The following TIMM10 variants were observed in gnomAD, a reference collection of about 807,000 sequenced individuals.
TIMM10 encodes the protein translocase of inner mitochondrial membrane 10.
Under a neutral mutation model 9.1 loss-of-function variants are expected in TIMM10, and 13 were observed. That is an observed-to-expected ratio of 1.42 (90% CI 0.93 to 2.26). TIMM10 has a LOEUF of 2.26. Ranked by LOEUF, TIMM10 falls within the 30% of genes most tolerant of loss-of-function variation. The pLI is 0.00. For missense variants in TIMM10, 82 were observed against 113.6 expected (o/e 0.72, Z 1.26); for synonymous variants, 40 against 42.1 (o/e 0.95, Z 0.20).
rs1449435142 is a variant in TIMM10 at position 57,528,688 on chromosome 11, A to G, written c.*29T>C. On this transcript the variant is annotated 3_prime_UTR_variant, in exon 3 of 3. Transcript: ENST00000257245. ...TTATTAAAGTGGGAAGGGGTGGGGTACACCCCAGGGTGTATACTGACAGGG... is the reference window on the plus strand; with the variant it reads ...TTATTAAAGTGGGAAGGGGTGGGGTGCACCCCAGGGTGTATACTGACAGGG... The G allele has an allele frequency of 3.7e-6, 6 of 1,608,498 alleles. No homozygotes were observed. The highest frequency in any genetic ancestry group is 5.1e-6 in the Non-Finnish European group (6 of 1,176,178).
chr11:57,528,514 T>TATAC lies in TIMM10; in HGVS notation c.*199_*202dup, dbSNP rs1944770947. Reference sequence around the variant, plus strand: ...ATATATATATATATATATATATATATATACACATACATACACACACAGTCA... The same window carrying TATAC: ...ATATATATATATATATATATATATATATACATACACATACATACACACACAGTCA... On this transcript the variant is annotated 3_prime_UTR_variant, in exon 3 of 3. Coordinates refer to ENST00000257245, the MANE Select transcript of TIMM10 (RefSeq NM_012456.3). The TATAC allele has an allele frequency of 3.3e-6, 1 of 306,618 alleles. No homozygotes were observed. Among genetic ancestry groups the TATAC allele is most frequent in the South Asian group, 3.1e-5 (1 of 31,886 alleles). The allele number at this position is 306,618 out of a possible 1,614,324, so 19.0% of individuals were successfully genotyped here. A position where few individuals can be genotyped will look rare whatever the true frequency, so the allele number is the denominator to read the frequency against.
rs561243341 is a variant in TIMM10 at position 57,530,379 on chromosome 11, G to A, written c.-45-145C>T. On this transcript the variant is annotated intron_variant, in intron 1 of 2. Coordinates refer to ENST00000257245, the MANE Select transcript of TIMM10 (RefSeq NM_012456.3). Reference sequence around the variant, plus strand: ...CTTAACCACCCCATTTCACGGATGTGGAAACTGAGGCCTAGCCCAAGGTCG... The same window carrying A: ...CTTAACCACCCCATTTCACGGATGTAGAAACTGAGGCCTAGCCCAAGGTCG... The A allele has an allele frequency of 5.2e-6, 3 of 573,768 alleles. No homozygotes were observed. In the South Asian group the frequency reaches 6.1e-5, roughly 12 times the overall value. 35.5% of individuals were successfully genotyped at this position (573,768 alleles called of 1,614,324 possible). A position where few individuals can be genotyped will look rare whatever the true frequency, so the allele number is the denominator to read the frequency against.
At chr11:57,529,014 C>G in intron 2 of TIMM10, 96 bp from the exon 3 acceptor site, 1 of 1,304,056 alleles carries the variant, frequency 7.7e-7, no homozygotes, top group Non-Finnish European at 1.1e-6. Context: ...TTCACCTCCC[C>G]CAAGAAAGCA....
Position 57,530,021 on chromosome 11 carries a change from C to T in TIMM10, c.71+98G>A, listed in dbSNP as rs1374652384. ...GAGGGTAAGCATGGGCCTCAGGCTC[C>T]CCTACATTCAGGAAGGAATTTGTCA... On this transcript the variant is annotated intron_variant, in intron 2 of 2. Transcript: ENST00000257245. 8 of 1,380,876 alleles carry T rather than the reference C, an allele frequency of 5.8e-6. No individual in the cohort carries two copies. In the Admixed American group the frequency reaches 1.0e-4, roughly 18 times the overall value. The allele number at this position is 1,380,876 out of a possible 1,614,324, so 85.5% of individuals were successfully genotyped here.
Position 57,528,840 on chromosome 11 carries a change from G to T in TIMM10, c.150C>A (p.Cys50Ter), listed in dbSNP as rs142829492. 7.1e-5 allele frequency: 115 copies of T among 1,613,920 alleles called. No homozygotes were observed. The highest frequency in any genetic ancestry group is 9.2e-5 in the Non-Finnish European group (109 of 1,180,028). Residue 50 changes from cysteine (C) to a stop codon, truncating the protein, a stop_gained, in exon 3 of 3, where the codon TGC becomes TGA. Transcript: ENST00000257245. LOFTEE classifies it high-confidence loss of function. ...GGTACTTAGAGACACATCGGTCCAGGCACACAGACTCGCCCTTGGAGAGCT... is the reference window on the plus strand; with the variant it reads ...GGTACTTAGAGACACATCGGTCCAGTCACACAGACTCGCCCTTGGAGAGCT... ...EAELSKGESVCLDRCVSKYLD... is the reference protein window; with the variant it reads ...EAELSKGESV
Position 57,530,206 on chromosome 11 carries a change from G to A in TIMM10, c.-17C>T. ...AGGATCCATCTCAGCCTAGCACCGT[G>A]GAAGGGATCTCCTTCTGGCCTCCTA... On this transcript the variant is annotated 5_prime_UTR_variant, in exon 2 of 3. Coordinates refer to ENST00000257245, the MANE Select transcript of TIMM10 (RefSeq NM_012456.3). 2 of 1,613,748 alleles carry A rather than the reference G, an allele frequency of 1.2e-6. No individual in the cohort carries two copies. The highest frequency in any genetic ancestry group is 2.2e-5 in the South Asian group (2 of 91,060).
chr11:57,530,050 G>A, intron 2 of TIMM10, 69 bp downstream of exon 2: 1 of 1,562,606 alleles, frequency 6.4e-7, no homozygotes, highest in Non-Finnish European at 8.8e-7. Context: ...TTTGTCATAA[G>A]TCATTCACCT....
chr11:57,530,391 C>G (rs1020680672), intron 1 of TIMM10, 157 bp from the exon 2 acceptor site: 2 of 564,538 alleles, frequency 3.5e-6, no homozygotes, highest in African/African-American at 3.8e-5. Flanking sequence ...AAACTGAGGC[C>G]TAGCCCAAGG....
In TIMM10 at chr11:57,528,834, G is replaced by C. The variant is rs200988172; in HGVS notation, c.156C>G (p.Asp52Glu). The C allele has an allele frequency of 6.8e-6, 11 of 1,614,060 alleles. No homozygotes were observed. In the East Asian group the frequency reaches 2.2e-4, roughly 33 times the overall value. Reference sequence around the variant, plus strand: ...TGTCCAGGTACTTAGAGACACATCGGTCCAGGCACACAGACTCGCCCTTGG... The same window carrying C: ...TGTCCAGGTACTTAGAGACACATCGCTCCAGGCACACAGACTCGCCCTTGG... ...ELSKGESVCL[D>E]RCVSKYLDIH... is the part of the protein sequence containing the mutation. Residue 52 changes from aspartate to glutamate, a missense_variant, in exon 3 of 3, where the codon GAC (aspartate) becomes GAG (glutamate). Transcript: ENST00000257245.
intron 1 of TIMM10, 174 bp from the exon 2 acceptor site, chr11:57,530,408 A>G: frequency 1.9e-6 from 1 of 539,522 alleles, no homozygotes. Flanking sequence ...AAGGTCGCAC[A>G]GGACGTCTAT....
rs10547275 is a variant in TIMM10, at chr11:57,528,483, T to TTATATA, written c.*228_*233dup. 469 of 150,286 alleles carry TTATATA rather than the reference T, an allele frequency of 3.1e-3. 1 individual carries two copies. The highest frequency in any genetic ancestry group is 0.017 in the East Asian group (92 of 5,440). 9.3% of individuals were successfully genotyped at this position (150,286 alleles called of 1,614,324 possible). A position where few individuals can be genotyped will look rare whatever the true frequency, so the allele number is the denominator to read the frequency against. ...ACATAGTAGGTGTCAACAAACTTGT[T>TTATATA]TATATATATATATATATATATATAT... On this transcript the variant is annotated 3_prime_UTR_variant, in exon 3 of 3. Coordinates refer to ENST00000257245, the MANE Select transcript of TIMM10 (RefSeq NM_012456.3).
rs949359094 is a variant in TIMM10, at chr11:57,529,967, T to C, written c.71+152A>G. 8.1e-6 allele frequency: 6 copies of C among 744,372 alleles called. No homozygotes were observed. The African/African-American group carries it at 1.0e-4, about 13-fold the overall frequency. The allele number at this position is 744,372 out of a possible 1,614,324, so 46.1% of individuals were successfully genotyped here. The stretch of plus-strand genomic sequence containing the variant: ...CTAGTGACCCTTTACTGCATCTACA[T>C]TAGGATCAACCTTGAAGGTGGGTGT... On this transcript the variant is annotated intron_variant, in intron 2 of 2. Transcript: ENST00000257245.
rs1308535025 is a variant in TIMM10 at position 57,528,657 on chromosome 11, G to A, written c.*60C>T. 5.1e-6 allele frequency: 8 copies of A among 1,560,886 alleles called. No homozygotes were observed. In the Admixed American group the frequency reaches 1.2e-4, roughly 23 times the overall value. On this transcript the variant is annotated 3_prime_UTR_variant, in exon 3 of 3. Coordinates refer to ENST00000257245, the MANE Select transcript of TIMM10 (RefSeq NM_012456.3). Reference sequence around the variant, plus strand: ...CTTCACAGATGACACCCAACAGGGAGCACGTTTATTAAAGTGGGAAGGGGT... The same window carrying A: ...CTTCACAGATGACACCCAACAGGGAACACGTTTATTAAAGTGGGAAGGGGT...
At chr11:57,530,284 A>G in intron 1 of TIMM10, 50 bp from the exon 2 acceptor site, 1 of 1,294,486 alleles carries the variant, frequency 7.7e-7, no homozygotes, top group Non-Finnish European at 1.1e-6. Flanking sequence ...TCACTCTCCT[A>G]CCCCTGGGGC....
intron 1 of TIMM10, 58 bp from the exon 2 acceptor site, chr11:57,530,292 G>T (rs949640559): frequency 8.2e-7 from 1 of 1,224,302 alleles, no homozygotes; most frequent in Non-Finnish European, 1.2e-6. Context: ...CTACCCCTGG[G>T]GCTAGAGGAT....
At chr11:57,529,999 G>T in intron 2 of TIMM10, 120 bp downstream of exon 2, 1 of 1,054,126 alleles carries the variant, frequency 9.5e-7, no homozygotes, top group South Asian at 1.4e-5. Context: ...GTGTGGGGAG[G>T]GTAAGCATGG....
At chr11:57,530,344 C>T (rs1178552247) in intron 1 of TIMM10, 110 bp from the exon 2 acceptor site, 12 of 663,520 alleles carry the variant, frequency 1.8e-5, no homozygotes, top group Non-Finnish European at 5.2e-6. Flanking sequence ...GGGCCACTAA[C>T]CTCAGTGAGC....
Position 57,528,809 on chromosome 11 carries a change from TGTCCAGGTACTTAGAGACACATCG to T in TIMM10, c.157_180del (p.Arg53_Asp60del). 1 of 1,614,134 alleles carries T rather than the reference TGTCCAGGTACTTAGAGACACATCG, an allele frequency of 6.2e-7. No individual in the cohort carries two copies. Among genetic ancestry groups the T allele is most frequent in the African/African-American group, 1.3e-5 (1 of 75,032 alleles). On this transcript the variant is annotated inframe_deletion, in exon 3 of 3. Coordinates refer to ENST00000257245, the MANE Select transcript of TIMM10 (RefSeq NM_012456.3). The stretch of plus-strand genomic sequence containing the variant: ...AACTTTTTGCCCATCCGCTCATGGA[TGTCCAGGTACTTAGAGACACATCG>T]GTCCAGGCACACAGACTCGCCCTTG...
At position 57,528,709 on chromosome 11, in the gene TIMM10, CA is replaced by C; in HGVS notation, c.*7del. ...GGGTACACCCCAGGGTGTATACTGA[CA>C]GGGACCTCATGCAGGCCCAGAGCTC... On this transcript the variant is annotated 3_prime_UTR_variant, in exon 3 of 3. Transcript: ENST00000257245. 6.2e-7 allele frequency: 1 copy of C among 1,613,312 alleles called. No homozygotes were observed. The highest frequency in any genetic ancestry group is 8.5e-7 in the Non-Finnish European group (1 of 1,179,940).
Sources: gnomAD v4.1 joint callset for allele counts on GRCh38, gnomAD v4.1.1 for gene constraint, MANE v1.5 for transcripts, NCBI Gene and HGNC (gene_info 2026-07-23, HGNC 2026-07-21) for gene names.